The following DIPK2A variants were observed in gnomAD, a reference collection of about 807,000 sequenced individuals.
DIPK2A encodes Golgi Protein of 49 kDa.
DIPK2A carries 27 observed loss-of-function variants against 39.0 expected under a neutral mutation model. The observed-to-expected ratio is 0.69, with a 90% CI of 0.51 to 0.96. The LOEUF is 0.96. Among genes scored for constraint, DIPK2A ranks in the 40% least tolerant of loss-of-function variants. DIPK2A has a pLI of 0.00. For synonymous variants in DIPK2A, 298 were observed against 240.8 expected, an observed-to-expected ratio of 1.24 and a Z score of -2.20; for missense variants, 528 against 571.3, an observed-to-expected ratio of 0.92 and a Z score of 0.77.
chr3:143,987,751 C>T (rs2087924134), intron 2 of DIPK2A, among the ~76,000 whole-genome samples: 1 of 152,190 alleles, frequency 6.6e-6, no homozygotes, highest in Non-Finnish European at 1.5e-5. Context: ...TCTTCTGCTT[C>T]TCCTTGCTTG....
chr3:143,991,285 C>G lies in DIPK2A; in HGVS notation c.*1444C>G, dbSNP rs1002173788. 2 of 152,560 alleles carry G rather than the reference C, an allele frequency of 1.3e-5. No individual in the cohort carries two copies. The highest frequency in any genetic ancestry group is 2.9e-5 in the Non-Finnish European group (2 of 67,996). The allele number at this position is 152,560 out of a possible 1,614,324, so 9.5% of individuals were successfully genotyped here. Reference sequence around the variant, plus strand: ...TATGCACAACCAAAGGCAGGTTTTTCTTTTTCATTTATTCAGCAACTATTT... The same window carrying G: ...TATGCACAACCAAAGGCAGGTTTTTGTTTTTCATTTATTCAGCAACTATTT... On this transcript the variant is annotated 3_prime_UTR_variant, in exon 3 of 3. Coordinates refer to ENST00000315691, the MANE Select transcript of DIPK2A (RefSeq NM_173552.5).
chr3:143,981,932 A>T (rs904337673), intron 1 of DIPK2A, among the ~76,000 whole-genome samples: 1 of 152,222 alleles, frequency 6.6e-6, no homozygotes, highest in Non-Finnish European at 1.5e-5. Flanking sequence ...GTTAAACTCT[A>T]AATTTCTTGG....
In DIPK2A at chr3:143,971,953, A is replaced by T; in HGVS notation, c.-380A>T. The T allele has an allele frequency of 4.8e-6, 1 of 209,742 alleles. No individual in the cohort carries two copies. The highest frequency in any genetic ancestry group is 9.4e-6 in the Non-Finnish European group (1 of 106,146). The allele number at this position is 209,742 out of a possible 1,614,324, so 13.0% of individuals were successfully genotyped here. On this transcript the variant is annotated 5_prime_UTR_variant, in exon 1 of 3. Coordinates refer to ENST00000315691, the MANE Select transcript of DIPK2A (RefSeq NM_173552.5). ...ACTTGTCGTGGCTGGCTGCCGCCGC[A>T]GCTCTTGTGCGAAGCCAGCAGTGCG...
rs2087653214 is a variant in DIPK2A, at chr3:143,972,014, C to T, written c.-319C>T. On this transcript the variant is annotated 5_prime_UTR_variant, in exon 1 of 3. Coordinates refer to ENST00000315691, the MANE Select transcript of DIPK2A (RefSeq NM_173552.5). ...GGCACGGGCGCGCGACCGTCGGGTC[C>T]CCGCGCTCCCTCCCCCTCCCGCTCC... The T allele has an allele frequency of 6.5e-6, 2 of 307,114 alleles. No individual in the cohort carries two copies. The highest frequency in any genetic ancestry group is 1.6e-4 in the South Asian group (1 of 6,372). The allele number at this position is 307,114 out of a possible 1,614,324, so 19.0% of individuals were successfully genotyped here.
At chr3:143,975,101 G>A (rs771411796) in intron 1 of DIPK2A, among the ~76,000 whole-genome samples, 25 of 152,078 alleles carry the variant, frequency 1.6e-4, no homozygotes, top group Admixed American at 2.6e-4. Context: ...AAACACATGG[G>A]CCATAGGATA....
chr3:143,975,667 GCTGT>G (rs755280807), intron 1 of DIPK2A, among the ~76,000 whole-genome samples: 58 of 152,078 alleles, frequency 3.8e-4, no homozygotes, highest in Middle Eastern at 3.4e-3. Context: ...CTCAGATTTG[GCTGT>G]CTATTGCTTC....
At chr3:143,983,354 C>A (rs1380544737) in intron 1 of DIPK2A, among the ~76,000 whole-genome samples, 1 of 152,180 alleles carries the variant, frequency 6.6e-6, no homozygotes, top group East Asian at 1.9e-4. Context: ...AACAGTCTCT[C>A]AGACCACAAT....
Position 143,991,207 on chromosome 3 carries a change from G to A in DIPK2A, c.*1366G>A, listed in dbSNP as rs1357100756. ...TGTTTACAGCAAAGTTTGATGTAGT[G>A]TGCAGTAGTGAGCTCTAGACTGATC... On this transcript the variant is annotated 3_prime_UTR_variant, in exon 3 of 3. Coordinates refer to ENST00000315691, the MANE Select transcript of DIPK2A (RefSeq NM_173552.5). The A allele has an allele frequency of 6.6e-6, 1 of 152,598 alleles. No homozygotes were observed. Among genetic ancestry groups the A allele is most frequent in the Admixed American group, 6.5e-5 (1 of 15,282 alleles). 9.5% of individuals were successfully genotyped at this position (152,598 alleles called of 1,614,324 possible).
chr3:143,983,042 A>G (rs2087847671), intron 1 of DIPK2A, among the ~76,000 whole-genome samples: 1 of 152,178 alleles, frequency 6.6e-6, no homozygotes, highest in Non-Finnish European at 1.5e-5. Flanking sequence ...CTATATATAC[A>G]TGCTCCCAGG....
At chr3:143,973,350 T>C (rs2087685934) in intron 1 of DIPK2A, 5 of 1,543,950 alleles carry the variant, frequency 3.2e-6, no homozygotes, top group Non-Finnish European at 4.4e-6. Context: ...GGCTTGCAGG[T>C]CCGCGGCGCA....
In DIPK2A at chr3:143,972,134, G is replaced by A. The variant is rs1031421946; in HGVS notation, c.-199G>A. On this transcript the variant is annotated 5_prime_UTR_variant, in exon 1 of 3. Transcript: ENST00000315691. Reference sequence around the variant, plus strand: ...CGAGAGTTGTGGAGACTAGTGACTGGGAGAAGTCGCAGCCCGCTCAGGCCC... The same window carrying A: ...CGAGAGTTGTGGAGACTAGTGACTGAGAGAAGTCGCAGCCCGCTCAGGCCC... 4.7e-6 allele frequency: 2 copies of A among 423,580 alleles called. No individual in the cohort carries two copies. The highest frequency in any genetic ancestry group is 4.4e-5 in the Admixed American group (1 of 22,872). 26.2% of individuals were successfully genotyped at this position (423,580 alleles called of 1,614,324 possible).
intron 1 of DIPK2A, among the ~76,000 whole-genome samples, chr3:143,982,535 A>G (rs1211866948): frequency 6.6e-6 from 1 of 152,196 alleles, no homozygotes; most frequent in African/African-American, 2.4e-5. Context: ...AATCCTTTCC[A>G]GACAAGCAAA....
At chr3:143,976,852 T>C (rs780357472) in intron 1 of DIPK2A, among the ~76,000 whole-genome samples, 9 of 152,178 alleles carry the variant, frequency 5.9e-5, no homozygotes, top group South Asian at 2.1e-4. Flanking sequence ...ATATAATACA[T>C]GCAAAGCACT....
chr3:143,978,094 G>A (rs1408650416), intron 1 of DIPK2A, among the ~76,000 whole-genome samples: 4 of 151,938 alleles, frequency 2.6e-5, no homozygotes, highest in Non-Finnish European at 5.9e-5. Flanking sequence ...AGGTCTTCTG[G>A]ACATGGGTGT....
intron 1 of DIPK2A, among the ~76,000 whole-genome samples, chr3:143,980,271 G>GCGTC (rs10662845): frequency 6.6e-6 from 1 of 151,418 alleles, no homozygotes; most frequent in Non-Finnish European, 1.5e-5. Context: ...TCTTTCTTAT[G>GCGTC]TGTCTGTCTG....
intron 1 of DIPK2A, 122 bp from the exon 2 acceptor site, chr3:143,985,421 G>T (rs1265701043): frequency 4.8e-6 from 4 of 840,152 alleles, no homozygotes; most frequent in African/African-American, 1.7e-5. Flanking sequence ...CTAATAAACT[G>T]TTGAATGTAA....
intron 2 of DIPK2A, among the ~76,000 whole-genome samples, chr3:143,988,127 G>C (rs1056979520): frequency 5.3e-5 from 8 of 151,376 alleles, no homozygotes; most frequent in African/African-American, 1.9e-4. Context: ...TTTTGAGACA[G>C]GGTCTCTGTC....
intron 2 of DIPK2A, among the ~76,000 whole-genome samples, chr3:143,986,443 G>T (rs796242787): frequency 7.2e-5 from 11 of 152,242 alleles, no homozygotes; most frequent in African/African-American, 2.6e-4. Flanking sequence ...ATTAAATGCC[G>T]GCCGGGTGCG....
chr3:143,972,364 G>T lies in DIPK2A; in HGVS notation c.32G>T (p.Arg11Leu). The stretch of plus-strand genomic sequence containing the variant: ...CGCCTGGTGCCCCCGAAGCTGGGCC[G>T]CCTGTCCCGCTCGCTGAAGCTGGCG... MWRLVPPKLGRLSRSLKLAAL... is the reference protein window; with the variant it reads MWRLVPPKLGLLSRSLKLAAL... The change falls in exon 1 of 3, where the codon CGC (arginine) becomes CTC (leucine). Residue 11 changes from arginine to leucine, a missense_variant. Arg to Leu is a moderately radical substitution (Grantham distance 102, BLOSUM62 -2). Coordinates refer to ENST00000315691, the MANE Select transcript of DIPK2A (RefSeq NM_173552.5). 2 of 1,398,456 alleles carry T rather than the reference G, an allele frequency of 1.4e-6. No individual in the cohort carries two copies. Among genetic ancestry groups the T allele is most frequent in the Non-Finnish European group, 1.9e-6 (2 of 1,077,232 alleles). 86.6% of individuals were successfully genotyped at this position (1,398,456 alleles called of 1,614,324 possible).
Sources: gnomAD v4.1 joint callset for allele counts (sites outside exome capture counted in the v4.1 genomes callset) on GRCh38, gnomAD v4.1.1 for gene constraint, MANE v1.5 for transcripts, NCBI Gene and HGNC (gene_info 2026-07-23, HGNC 2026-07-21) for gene names.